ATP11B: variants seen among roughly 807,000 people sequenced by gnomAD.
ATP11B encodes the protein phospholipid-transporting ATPase IF.
ATP11B carries 81 observed loss-of-function variants against 157.8 expected under a neutral mutation model. The observed-to-expected ratio is 0.51, with a 90% CI of 0.43 to 0.62. The LOEUF (loss-of-function observed/expected upper bound fraction) is 0.62. ATP11B is among the 20% of genes least tolerant of loss of function. The pLI is 0.00. For synonymous variants in ATP11B, 451 were observed against 469.4 expected, an observed-to-expected ratio of 0.96 and a Z score of 0.51; for missense variants, 1,165 against 1,402.2, an observed-to-expected ratio of 0.83 and a Z score of 2.70.
chr3:182,856,589 C>T lies in ATP11B; in HGVS notation c.852-1289C>T, dbSNP rs1720422405. ...GGGGCTTTAGACCAGTTGTTTTCTT[C>T]TCTTGATCCGGGTGTTCTCATGTAT... On this transcript the variant is annotated intron_variant, in intron 10 of 29. Transcript: ENST00000323116. 2.0e-5 allele frequency among the ~76,000 whole-genome samples: 3 copies of T among 152,164 alleles called. No homozygotes were observed. In the South Asian group the frequency reaches 6.2e-4, roughly 32 times the overall value.
chr3:182,831,644 C>T (rs9830757), intron 4 of ATP11B, among the ~76,000 whole-genome samples: 3 of 151,950 alleles, frequency 2.0e-5, no homozygotes, highest in African/African-American at 7.3e-5. Context: ...AGTAAGCATG[C>T]TCCTATCTCA....
chr3:182,911,701 C>T (rs946976080), intron 28 of ATP11B, among the ~76,000 whole-genome samples: 4 of 152,156 alleles, frequency 2.6e-5, no homozygotes, highest in Non-Finnish European at 5.9e-5. Context: ...TTCTTCCTTA[C>T]CTTTAGCTCA....
chr3:182,839,898 C>G (rs746580025), intron 7 of ATP11B, among the ~76,000 whole-genome samples: 3 of 152,192 alleles, frequency 2.0e-5, no homozygotes, highest in Non-Finnish European at 4.4e-5. Flanking sequence ...CAGGTGTGAG[C>G]CACCCCGCCC....
intron 2 of ATP11B, among the ~76,000 whole-genome samples, chr3:182,825,427 A>C (rs1717648210): frequency 1.3e-5 from 2 of 152,098 alleles, no homozygotes; most frequent in Admixed American, 1.3e-4. Context: ...CTTAAATTTA[A>C]ACTTTCTTTG....
intron 2 of ATP11B, among the ~76,000 whole-genome samples, chr3:182,826,048 A>G (rs1268348631): frequency 2.0e-5 from 3 of 152,246 alleles, no homozygotes; most frequent in Admixed American, 1.3e-4. Context: ...CCATTATTAC[A>G]TAACAAAGAG....
rs1320481757 is a variant in ATP11B, at chr3:182,836,025, A to G, written c.316-10A>G. 7 of 1,584,444 alleles carry G rather than the reference A, an allele frequency of 4.4e-6. No individual in the cohort carries two copies. The highest frequency in any genetic ancestry group is 6.0e-6 in the Non-Finnish European group (7 of 1,164,614). ...TGAAAAATTATTTTTTACCCTTTGG[A>G]TATTTACAGGGATATGAAGATTGGT... is the stretch of plus-strand genomic sequence containing the variant. On this transcript the variant is annotated splice_polypyrimidine_tract_variant and intron_variant, in intron 4 of 29. Coordinates refer to ENST00000323116, the MANE Select transcript of ATP11B (RefSeq NM_014616.3).
intron 28 of ATP11B, among the ~76,000 whole-genome samples, chr3:182,911,883 A>G (rs1306048540): frequency 6.6e-6 from 1 of 152,212 alleles, no homozygotes; most frequent in African/African-American, 2.4e-5. Context: ...TGGAGACGGT[A>G]GGATTTAAGC....
chr3:182,877,270 G>A (rs1423768017), intron 19 of ATP11B, among the ~76,000 whole-genome samples: 2 of 152,206 alleles, frequency 1.3e-5, no homozygotes, highest in African/African-American at 4.8e-5. Flanking sequence ...AACAACCAAT[G>A]ACTGTGTTGC....
intron 29 of ATP11B, 51 bp downstream of exon 29, chr3:182,914,045 A>G: frequency 6.2e-7 from 1 of 1,606,610 alleles, no homozygotes; most frequent in Non-Finnish European, 8.5e-7. Flanking sequence ...TCCTATCTGG[A>G]ACAGGATGAA....
chr3:182,917,956 G>A, intron 29 of ATP11B, 67 bp from the exon 30 acceptor site: 1 of 1,586,212 alleles, frequency 6.3e-7, no homozygotes, highest in Admixed American at 1.7e-5. Context: ...AAGTTTTAGA[G>A]TAAATTTTTT....
At chr3:182,794,982 GGT>G in intron 1 of ATP11B, among the ~76,000 whole-genome samples, 1 of 151,850 alleles carries the variant, frequency 6.6e-6, no homozygotes, top group Non-Finnish European at 1.5e-5. Flanking sequence ...CAAGAAGTGT[GGT>G]GTTTCAGAGC....
At chr3:182,803,852 CTT>C (rs1178176874) in intron 1 of ATP11B, among the ~76,000 whole-genome samples, 2 of 152,180 alleles carry the variant, frequency 1.3e-5, no homozygotes, top group Non-Finnish European at 2.9e-5. Context: ...CCAGCATTCT[CTT>C]TCATATACCT....
chr3:182,893,167 AT>A (rs1218637495), intron 25 of ATP11B, among the ~76,000 whole-genome samples: 1 of 152,190 alleles, frequency 6.6e-6, no homozygotes, highest in African/African-American at 2.4e-5. Context: ...TGTTTGAGTA[AT>A]CTTTTTATTT....
At chr3:182,820,119 A>G in intron 1 of ATP11B, 141 bp from the exon 2 acceptor site, 2 of 569,244 alleles carry the variant, frequency 3.5e-6, no homozygotes, top group South Asian at 5.1e-5. Context: ...TAGCTCTTCT[A>G]ATTAGATGGA....
At chr3:182,854,190 C>T (rs535083222) in intron 10 of ATP11B, among the ~76,000 whole-genome samples, 1 of 152,304 alleles carries the variant, frequency 6.6e-6, no homozygotes, top group African/African-American at 2.4e-5. Context: ...TTTAGAAGAG[C>T]TGGGCGCGGT....
chr3:182,882,419 T>A (rs1323952655), intron 21 of ATP11B, among the ~76,000 whole-genome samples: 3 of 151,908 alleles, frequency 2.0e-5, no homozygotes, highest in African/African-American at 7.3e-5. Context: ...CATCTGGAAA[T>A]TTAGAATATA....
Position 182,920,134 on chromosome 3 carries a change from A to G in ATP11B, c.*2030A>G, listed in dbSNP as rs1336629989. On this transcript the variant is annotated 3_prime_UTR_variant, in exon 30 of 30. Coordinates refer to ENST00000323116, the MANE Select transcript of ATP11B (RefSeq NM_014616.3). ...AGTACTGACACCAGACAAAGACTCCAAAGTCATAAAATAGCCTATGACCAA... is the reference window on the plus strand; with the variant it reads ...AGTACTGACACCAGACAAAGACTCCGAAGTCATAAAATAGCCTATGACCAA... 3.9e-5 allele frequency: 6 copies of G among 152,238 alleles called. No individual in the cohort carries two copies. Among genetic ancestry groups the G allele is most frequent in the Admixed American group, 2.6e-4 (4 of 15,282 alleles). 9.4% of individuals were successfully genotyped at this position (152,238 alleles called of 1,614,324 possible).
At chr3:182,812,750 C>T (rs1426266496) in intron 1 of ATP11B, among the ~76,000 whole-genome samples, 3 of 152,114 alleles carry the variant, frequency 2.0e-5, no homozygotes, top group Admixed American at 2.0e-4. Flanking sequence ...CCATTTTAAC[C>T]ATTTTTAAGT....
rs1449001666 is a variant in ATP11B, at chr3:182,865,622, T to C, written c.1367T>C (p.Leu456Ser). 6.2e-7 allele frequency: 1 copy of C among 1,613,512 alleles called. No homozygotes were observed. The highest frequency in any genetic ancestry group is 8.5e-7 in the Non-Finnish European group (1 of 1,179,544). The change falls in exon 13 of 30, where the codon TTA becomes TCA. Residue 456 changes from leucine to serine, a missense_variant. Physicochemically the swap from Leu to Ser is moderately radical, Grantham distance 145. Around this residue, in one of 4 missense-constraint regions of ATP11B, gnomAD observed 737 missense variants for 930.5 expected, o/e 0.79. Transcript: ENST00000323116. ...SEGNLSYLSS[L>S]SHLNNLSHLT... ...GGAAACTTATCTTATCTTAGTAGTT[T>C]ATCCCATCTTAACAACTTATCCCAT...
Sources: gnomAD v4.1 joint callset for allele counts (sites outside exome capture counted in the v4.1 genomes callset) on GRCh38, gnomAD v4.1.1 for gene constraint, gnomAD v4.1.1 regional missense constraint, MANE v1.5 for transcripts, NCBI Gene and HGNC (gene_info 2026-07-23, HGNC 2026-07-21) for gene names.